The following TNFSF4 variants were observed in gnomAD, a reference collection of about 807,000 sequenced individuals.
The protein encoded by TNFSF4 is TNF superfamily member 4.
A neutral mutation model predicts 7.3 loss-of-function variants in TNFSF4; 4 were observed. The observed-to-expected ratio is 0.55, with a 90% CI of 0.27 to 1.25. The LOEUF (loss-of-function observed/expected upper bound fraction) is 1.25. Among genes scored for constraint, TNFSF4 ranks in the 50% most tolerant of loss-of-function variants. The pLI is 0.12. For synonymous variants in TNFSF4, 76 were observed against 83.7 expected (o/e 0.91, Z 0.50); for missense variants, 181 against 208.8 (o/e 0.87, Z 0.82).
chr1:173,318,164 T>A, the TNFSF4 span, among the ~76,000 whole-genome samples: 1 of 152,148 alleles, frequency 6.6e-6, no homozygotes, highest in Non-Finnish European at 1.5e-5. Flanking sequence ...CAGCCGGGCA[T>A]GGTGGCTCAT....
the TNFSF4 span, among the ~76,000 whole-genome samples, chr1:173,291,259 G>A: frequency 6.6e-6 from 1 of 152,074 alleles, no homozygotes; most frequent in East Asian, 1.9e-4. Context: ...CAGATCTCAT[G>A]AGCACTTACT....
chr1:173,275,723 G>T, the TNFSF4 span, among the ~76,000 whole-genome samples: 48,948 of 152,000 alleles, frequency 0.32, 8,087 homozygotes, highest in Admixed American at 0.4. Context: ...AAAAGTTGTT[G>T]ACAATGTTTA....
the TNFSF4 span, among the ~76,000 whole-genome samples, chr1:173,316,485 T>C: frequency 6.6e-6 from 1 of 152,098 alleles, no homozygotes; most frequent in Non-Finnish European, 1.5e-5. Context: ...AAAAAAACTT[T>C]AGATCTAGAA....
the TNFSF4 span, among the ~76,000 whole-genome samples, chr1:173,303,665 A>C: frequency 7.9e-4 from 120 of 152,044 alleles, no homozygotes; most frequent in Non-Finnish European, 1.4e-3. Flanking sequence ...AACGTAAAAA[A>C]CATCCCACAA....
upstream of TNFSF4, among the ~76,000 whole-genome samples, chr1:173,209,060 CAG>C (rs1184289494): frequency 7.2e-5 from 11 of 152,270 alleles, no homozygotes; most frequent in African/African-American, 2.2e-4. Flanking sequence ...AATCTTTGCA[CAG>C]AGTCATCTCT....
intron 1 of TNFSF4, among the ~76,000 whole-genome samples, chr1:173,203,280 A>G (rs1226934456): frequency 6.7e-6 from 1 of 149,206 alleles, no homozygotes; most frequent in Admixed American, 6.8e-5. Context: ...TATATCTAAT[A>G]CCTGCCCCCA....
the TNFSF4 span, among the ~76,000 whole-genome samples, chr1:173,286,268 T>C: frequency 6.6e-6 from 1 of 152,160 alleles, no homozygotes; most frequent in South Asian, 2.1e-4. Flanking sequence ...AATTCTAAAA[T>C]GTATATAGAA....
At chr1:173,366,152 T>C in the TNFSF4 span, among the ~76,000 whole-genome samples, 27 of 152,202 alleles carry the variant, frequency 1.8e-4, no homozygotes, top group Non-Finnish European at 4.4e-5. Flanking sequence ...AGGAAATCAG[T>C]ATATCGAAGA....
chr1:173,418,600 T>C, the TNFSF4 span: 1 of 151,176 alleles, frequency 6.6e-6, no homozygotes, highest in Admixed American at 6.6e-5. Context: ...TTTCCACTTG[T>C]AGGCGTCTTG....
At chr1:173,337,512 C>T in the TNFSF4 span, among the ~76,000 whole-genome samples, 738 of 152,292 alleles carry the variant, frequency 4.8e-3, 7 homozygotes, top group African/African-American at 0.017. Flanking sequence ...TGGGCGTTCC[C>T]AATGACCAGT....
chr1:173,186,739 G>A lies in TNFSF4; in HGVS notation c.329C>T (p.Ser110Phe), dbSNP rs371263950. Reference protein sequence around the residue: ...FYLISLKGYFSQEVNISLHYQ... With the variant: ...FYLISLKGYFFQEVNISLHYQ... ...ATGAAGGCTAATGTTGACTTCCTGG[G>A]AGAAGTAGCCCTTCAGGGAGATGAG... Residue 110 changes from serine (S) to phenylalanine (F), a missense_variant, in exon 3 of 3, where the codon TCC becomes TTC. Transcript: ENST00000281834. 2 of 1,614,148 alleles carry A rather than the reference G, an allele frequency of 1.2e-6. No individual in the cohort carries two copies. The highest frequency in any genetic ancestry group is 1.7e-6 in the Non-Finnish European group (2 of 1,179,998).
chr1:173,300,160 GATACATACATAC>G, the TNFSF4 span, among the ~76,000 whole-genome samples: 131 of 146,908 alleles, frequency 8.9e-4, no homozygotes, highest in East Asian at 2.2e-3. Context: ...ATGATTGATA[GATACATACATAC>G]ATACATACAT....
chr1:173,206,545 G>A (rs766482644), intron 1 of TNFSF4, among the ~76,000 whole-genome samples: 4 of 152,110 alleles, frequency 2.6e-5, no homozygotes, highest in Non-Finnish European at 5.9e-5. Context: ...ACATTGCTCC[G>A]CTATTAATAT....
chr1:173,407,317 T>C, the TNFSF4 span, among the ~76,000 whole-genome samples: 1 of 151,978 alleles, frequency 6.6e-6, no homozygotes, highest in Non-Finnish European at 1.5e-5. Context: ...CTCACACCTA[T>C]AATCCCAGCA....
chr1:173,229,724 AG>A, the TNFSF4 span, among the ~76,000 whole-genome samples: 1 of 151,742 alleles, frequency 6.6e-6, no homozygotes, highest in Admixed American at 6.6e-5. Flanking sequence ...TTCAAAATAA[AG>A]GGATGGAGGA....
the TNFSF4 span, among the ~76,000 whole-genome samples, chr1:173,218,584 A>G: frequency 7.7e-6 from 1 of 130,562 alleles, no homozygotes; most frequent in Non-Finnish European, 1.6e-5. Flanking sequence ...GATATGAGGA[A>G]CAAAATTCCC....
the TNFSF4 span, among the ~76,000 whole-genome samples, chr1:173,326,151 C>T: frequency 4.6e-5 from 7 of 152,162 alleles, no homozygotes; most frequent in Non-Finnish European, 8.8e-5. Flanking sequence ...AGCAGCACAT[C>T]AAAAAGCTTA....
chr1:173,318,212 G>C, the TNFSF4 span, among the ~76,000 whole-genome samples: 1 of 152,144 alleles, frequency 6.6e-6, no homozygotes, highest in Non-Finnish European at 1.5e-5. Context: ...AGGCCAAGGG[G>C]GGTGGATCAT....
the TNFSF4 span, among the ~76,000 whole-genome samples, chr1:173,404,125 A>T: frequency 6.6e-6 from 1 of 152,172 alleles, no homozygotes. Context: ...CCCCATGTCT[A>T]TTGACGCTCC....
Sources: allele counts gnomAD v4.1 joint callset (sites outside exome capture counted in the v4.1 genomes callset), GRCh38; gene constraint gnomAD v4.1.1; transcripts MANE v1.5; gene names NCBI Gene and HGNC (gene_info 2026-07-23, HGNC 2026-07-21).